Variants in FRMD4A observed in about 807,000 individuals in gnomAD.
The protein encoded by FRMD4A is FERM domain-containing protein 4A.
A neutral mutation model predicts 129.1 loss-of-function variants in FRMD4A; 29 were observed. The observed-to-expected ratio is 0.22, with a 90% CI of 0.17 to 0.31. The LOEUF (loss-of-function observed/expected upper bound fraction) is 0.31, where lower values mean the gene tolerates loss of function less well. FRMD4A is among the 10% of genes least tolerant of loss of function. The pLI is 1.00. For missense variants in FRMD4A, 1,272 were observed against 1,375.8 expected, an observed-to-expected ratio of 0.92 and a Z score of 1.19; for synonymous variants, 634 against 571.6, an observed-to-expected ratio of 1.11 and a Z score of -1.56.
At position 13,798,298 on chromosome 10, in the gene FRMD4A, G is replaced by C. The variant is rs2093168199; in HGVS notation, c.207-1710C>G. Among the ~76,000 whole-genome samples the C allele has an allele frequency of 2.0e-5, 3 of 152,258 alleles. No individual in the cohort carries two copies. The South Asian group carries it at 6.2e-4, about 32-fold the overall frequency. ...CTGGTGGCAGGTGCCTATAATCCCA[G>C]CTACTCGGGAGGCTGAGGTAGGAGA... is the stretch of plus-strand genomic sequence containing the variant. On this transcript the variant is annotated intron_variant, in intron 4 of 24. Transcript: ENST00000357447.
At chr10:14,059,185 T>G (rs963141949) in intron 2 of FRMD4A, among the ~76,000 whole-genome samples, 8 of 152,204 alleles carry the variant, frequency 5.3e-5, no homozygotes, top group African/African-American at 1.9e-4. Context: ...AATATTTGTA[T>G]GTAAATAAAA....
At chr10:14,012,566 G>A (rs1368204247) in intron 2 of FRMD4A, among the ~76,000 whole-genome samples, 1 of 152,188 alleles carries the variant, frequency 6.6e-6, no homozygotes, top group East Asian at 1.9e-4. Flanking sequence ...AATGGAGGCA[G>A]CAGCAGGAGG....
intron 3 of FRMD4A, among the ~76,000 whole-genome samples, chr10:13,825,142 G>C (rs1227503060): frequency 6.6e-6 from 1 of 152,136 alleles, no homozygotes. Flanking sequence ...CAGAGTAAGA[G>C]ATTAACAACC....
chr10:13,817,918 C>T (rs2093570609), intron 3 of FRMD4A, among the ~76,000 whole-genome samples: 1 of 152,170 alleles, frequency 6.6e-6, no homozygotes, highest in Non-Finnish European at 1.5e-5. Context: ...GGCACCTCAC[C>T]AATTCCTCAC....
At chr10:13,916,025 G>A (rs2094999987) in intron 2 of FRMD4A, among the ~76,000 whole-genome samples, 3 of 152,252 alleles carry the variant, frequency 2.0e-5, no homozygotes, top group Non-Finnish European at 4.4e-5. Flanking sequence ...CACCACTGCT[G>A]AAGGCACAGA....
intron 2 of FRMD4A, among the ~76,000 whole-genome samples, chr10:14,062,140 G>T (rs1834844553): frequency 6.6e-6 from 1 of 152,240 alleles, no homozygotes; most frequent in Admixed American, 6.5e-5. Context: ...ACAAAGCCAT[G>T]TAAATGCCCT....
At chr10:14,088,483 G>A (rs909706725) in intron 2 of FRMD4A, among the ~76,000 whole-genome samples, 1 of 150,900 alleles carries the variant, frequency 6.6e-6, no homozygotes, top group Admixed American at 6.6e-5. Context: ...AATCAGGCCA[G>A]GCACAGTGGC....
rs1838983390 is a variant in FRMD4A, at chr10:14,127,993, TCTCTC to T, written c.45+202060_45+202064del. Among the ~76,000 whole-genome samples, 2 of 125,100 alleles carry T rather than the reference TCTCTC, an allele frequency of 1.6e-5. 1 individual carries two copies. Among genetic ancestry groups the T allele is most frequent in the Non-Finnish European group, 3.2e-5 (2 of 62,222 alleles). 82.1% of individuals were successfully genotyped at this position (125,100 alleles called of 152,430 possible). A position where few individuals can be genotyped will look rare whatever the true frequency, so the allele number is the denominator to read the frequency against. ...TTCTTTCTTTCCTTCTCTCTCTCTC[TCTCTC>T]TCTTTCTTTCTTTCTTCCTTCCTTC... On this transcript the variant is annotated intron_variant, in intron 2 of 24. Coordinates refer to ENST00000357447, the MANE Select transcript of FRMD4A (RefSeq NM_018027.5).
intron 3 of FRMD4A, among the ~76,000 whole-genome samples, chr10:13,828,830 C>T (rs1235883517): frequency 1.3e-5 from 2 of 152,134 alleles, no homozygotes; most frequent in African/African-American, 4.8e-5. Flanking sequence ...CTGCACCAGG[C>T]CACCACGTTT....
At chr10:13,976,143 G>A (rs1174491630) in intron 2 of FRMD4A, among the ~76,000 whole-genome samples, 1 of 152,120 alleles carries the variant, frequency 6.6e-6, no homozygotes, top group Non-Finnish European at 1.5e-5. Context: ...CTACTATTAG[G>A]GGTGAAAAGA....
chr10:13,996,831 G>A (rs1182149956), intron 2 of FRMD4A, among the ~76,000 whole-genome samples: 5 of 152,092 alleles, frequency 3.3e-5, no homozygotes, highest in Non-Finnish European at 7.4e-5. Flanking sequence ...AATAGATGTC[G>A]ATCCCCAAAT....
intron 2 of FRMD4A, among the ~76,000 whole-genome samples, chr10:14,300,934 C>T (rs1846163859): frequency 6.6e-6 from 1 of 152,034 alleles, no homozygotes; most frequent in African/African-American, 2.4e-5. Flanking sequence ...GAGTTTTGGC[C>T]AACAAATGGT....
chr10:14,007,565 G>C (rs79429325), intron 2 of FRMD4A: 1 of 153,198 alleles, frequency 6.5e-6, no homozygotes, highest in Non-Finnish European at 1.5e-5. Flanking sequence ...GTATTTGGGG[G>C]GAAAAAAGCA....
At chr10:14,151,907 G>A (rs1840357337) in intron 2 of FRMD4A, among the ~76,000 whole-genome samples, 1 of 152,054 alleles carries the variant, frequency 6.6e-6, no homozygotes, top group African/African-American at 2.4e-5. Context: ...ACTGCTTGCA[G>A]GACACTTTCT....
intron 15 of FRMD4A, chr10:13,684,983 C>A: frequency 6.1e-6 from 6 of 982,954 alleles, no homozygotes; most frequent in Non-Finnish European, 7.2e-6. Context: ...GGTTAGAATT[C>A]TTCTTTATGA....
chr10:13,904,139 C>T (rs1428577703), intron 2 of FRMD4A, among the ~76,000 whole-genome samples: 1 of 152,166 alleles, frequency 6.6e-6, no homozygotes, highest in Non-Finnish European at 1.5e-5. Flanking sequence ...TGAACAGATG[C>T]GGAAGTGGCC....
Position 13,905,025 on chromosome 10 carries a change from A to G in FRMD4A, c.46-46113T>C, listed in dbSNP as rs1158289823. Among the ~76,000 whole-genome samples the G allele has an allele frequency of 1.5e-4, 23 of 151,138 alleles. 1 individual carries two copies. The highest frequency in any genetic ancestry group is 1.5e-3 in the Admixed American group (22 of 15,146). ...AAAAAAAAAAAGAAAAGAAAACAGC[A>G]TTTGACCAGTGTTAATACGCAACTC... On this transcript the variant is annotated intron_variant, in intron 2 of 24. Coordinates refer to ENST00000357447, the MANE Select transcript of FRMD4A (RefSeq NM_018027.5).
In FRMD4A at chr10:13,666,147, C is replaced by A. The variant is rs763146302; in HGVS notation, c.1553G>T (p.Arg518Leu). 2 of 1,613,220 alleles carry A rather than the reference C, an allele frequency of 1.2e-6. No individual in the cohort carries two copies. Among genetic ancestry groups the A allele is most frequent in the Admixed American group, 3.3e-5 (2 of 60,012 alleles). ...GGTGGGTTTCTTCCCAGACTTGATG[C>A]GGTTCTCATTGATTGCATTTTCAAT... ...QEIENAINEN[R>L]IKSGKKPTQR... The change falls in exon 18 of 25, where the codon CGC becomes CTC. Residue 518 changes from arginine (R) to leucine (L), a missense_variant. By Grantham distance (102) the Arg-to-Leu change is moderately radical (BLOSUM62 -2). Around this residue, in one of 2 missense-constraint regions of FRMD4A, gnomAD observed 972 missense variants for 892.3 expected, o/e 1.09. Coordinates refer to ENST00000357447, the MANE Select transcript of FRMD4A (RefSeq NM_018027.5).
intron 4 of FRMD4A, among the ~76,000 whole-genome samples, chr10:13,807,927 C>A (rs909563128): frequency 5.0e-4 from 76 of 151,784 alleles, no homozygotes; most frequent in African/African-American, 1.8e-3. Context: ...GCCTCCCAAA[C>A]AGCTAGGATT....
Sources: allele counts gnomAD v4.1 joint callset (sites outside exome capture counted in the v4.1 genomes callset), GRCh38; gene constraint gnomAD v4.1.1; regional missense constraint gnomAD v4.1.1; transcripts MANE v1.5; gene names NCBI Gene and HGNC (gene_info 2026-07-23, HGNC 2026-07-21).